Variants in CFAP43 observed in about 807,000 individuals in gnomAD.
The protein encoded by CFAP43 is cilia- and flagella-associated protein 43.
In CFAP43, 155 loss-of-function variants were observed where a neutral mutation model predicts 218.9. The observed-to-expected ratio is 0.71, with a 90% confidence interval of 0.62 to 0.81. The LOEUF (loss-of-function observed/expected upper bound fraction) is 0.81, where lower values mean the gene tolerates loss of function less well. CFAP43 is among the 30% of genes least tolerant of loss of function. CFAP43 has a pLI of 0.00. For missense variants in CFAP43, 1,778 were observed against 1,954.3 expected (o/e 0.91, Z 1.70); for synonymous variants, 645 against 681.3 (o/e 0.95, Z 0.83).
intron 28 of CFAP43, among the ~76,000 whole-genome samples, chr10:104,152,375 C>T (rs528290565): frequency 6.6e-6 from 1 of 152,192 alleles, no homozygotes; most frequent in East Asian, 1.9e-4. Flanking sequence ...GACAGTATTA[C>T]TGGCAGAGTT....
At chr10:104,175,162 CA>C (rs1469626948) in intron 19 of CFAP43, among the ~76,000 whole-genome samples, 2 of 147,208 alleles carry the variant, frequency 1.4e-5, no homozygotes, top group African/African-American at 5.0e-5. Flanking sequence ...AGGCCTGGTG[CA>C]GTGGCTCATG....
intron 3 of CFAP43, among the ~76,000 whole-genome samples, 199 bp from the exon 4 acceptor site, chr10:104,214,625 T>C (rs2090963638): frequency 6.6e-6 from 1 of 152,230 alleles, no homozygotes; most frequent in Admixed American, 6.5e-5. Context: ...AACTATGTTT[T>C]AAAAACACTA....
Position 104,188,269 on chromosome 10 carries a change from C to A in CFAP43, c.1687+1G>T, listed in dbSNP as rs752901770. The stretch of plus-strand genomic sequence containing the variant: ...GAACTGGCTGCTTATGTTTTCCTTA[C>A]CTTGTGGCAGTAATGTAGGCAGTGT... On this transcript the variant is annotated splice_donor_variant, in intron 13 of 37. Transcript: ENST00000357060. LOFTEE classifies it high-confidence loss of function. 3 of 1,613,286 alleles carry A rather than the reference C, an allele frequency of 1.9e-6. No homozygotes were observed. In the African/African-American group the frequency reaches 4.0e-5, roughly 22 times the overall value.
intron 23 of CFAP43, among the ~76,000 whole-genome samples, chr10:104,165,468 T>A (rs2089104577): frequency 6.6e-6 from 1 of 151,972 alleles, no homozygotes; most frequent in Admixed American, 6.5e-5. Flanking sequence ...GAACAGAAAT[T>A]TCAGGGGCTA....
chr10:104,131,156 C>G (rs890064659), intron 37 of CFAP43, among the ~76,000 whole-genome samples, 175 bp downstream of exon 37: 1 of 152,034 alleles, frequency 6.6e-6, no homozygotes, highest in African/African-American at 2.4e-5. Flanking sequence ...CACAATATAC[C>G]TAAGTAACAA....
At chr10:104,143,127 A>T (rs2087785653) in intron 32 of CFAP43, among the ~76,000 whole-genome samples, 1 of 152,208 alleles carries the variant, frequency 6.6e-6, no homozygotes, top group African/African-American at 2.4e-5. Flanking sequence ...TCTAATGTGT[A>T]TGTTTTCCAC....
At chr10:104,152,463 T>G (rs1589650114) in intron 28 of CFAP43, 144 bp downstream of exon 28, 14 of 1,092,506 alleles carry the variant, frequency 1.3e-5, no homozygotes, top group Admixed American at 5.5e-5. Context: ...AAGGGGAAGG[T>G]GCACAAGATG....
rs1198823137 is a variant in CFAP43, at chr10:104,193,888, CCG to C, written c.1418_1419del (p.Ser473Ter). 6.2e-7 allele frequency: 1 copy of C among 1,614,062 alleles called. No homozygotes were observed. Among genetic ancestry groups the C allele is most frequent in the African/African-American group, 1.3e-5 (1 of 75,022 alleles). Reference sequence around the variant, plus strand: ...TACACGACGTGCTGCACGGACGATTCCGAGAGAAAGGCCTTGTGCACGACCTG... The same window carrying C: ...TACACGACGTGCTGCACGGACGATTCAGAGAAAGGCCTTGTGCACGACCTG... ...SPQVVHKAFL[S>X]ESSVQHVVYD... is the part of the protein sequence containing the mutation. On this transcript the variant is annotated frameshift_variant, in exon 11 of 38. Transcript: ENST00000357060. LOFTEE classifies it high-confidence loss of function.
intron 23 of CFAP43, among the ~76,000 whole-genome samples, chr10:104,165,272 C>T (rs939563218): frequency 1.3e-5 from 2 of 152,164 alleles, no homozygotes; most frequent in South Asian, 2.1e-4. Flanking sequence ...TATGTCTATC[C>T]TACTGAAGAT....
At chr10:104,198,891 T>G (rs549920606) in intron 8 of CFAP43, among the ~76,000 whole-genome samples, 1 of 151,912 alleles carries the variant, frequency 6.6e-6, no homozygotes, top group African/African-American at 2.4e-5. Context: ...CCTCAAGTAA[T>G]CCCCCCTCCT....
chr10:104,185,230 T>C (rs2089994236), intron 15 of CFAP43, 84 bp from the exon 16 acceptor site: 2 of 1,536,266 alleles, frequency 1.3e-6, no homozygotes, highest in Non-Finnish European at 1.8e-6. Context: ...TGCCCCTTTT[T>C]TGTGGATAAA....
rs1448674063 is a variant in CFAP43 at position 104,203,771 on chromosome 10, A to G, written c.996T>C (p.Asp332=). ...DGFVYSFIIK[D]RSYMIEDFLE... ...GAAAATCCTCGATCATGTAACTTCT[A>G]TCTTTAATAATAAAAGAATACACAA... Residue 332 remains aspartate, a synonymous_variant, in exon 8 of 38, where the codon GAT becomes GAC. Coordinates refer to ENST00000357060, the MANE Select transcript of CFAP43 (RefSeq NM_025145.7). The G allele has an allele frequency of 1.9e-6, 3 of 1,606,452 alleles. No homozygotes were observed. The highest frequency in any genetic ancestry group is 2.7e-5 in the African/African-American group (2 of 74,668).
intron 34 of CFAP43, among the ~76,000 whole-genome samples, chr10:104,134,428 A>G (rs1047747201): frequency 3.9e-5 from 6 of 152,144 alleles, no homozygotes; most frequent in South Asian, 2.1e-4. Context: ...CAGAAAAACA[A>G]TAGTCAATGA....
chr10:104,232,005 G>A (rs1261133157), intron 1 of CFAP43, among the ~76,000 whole-genome samples, 177 bp downstream of exon 1: 1 of 151,976 alleles, frequency 6.6e-6, no homozygotes, highest in East Asian at 1.9e-4. Flanking sequence ...GATGGGGAGC[G>A]GACAGGGGAG....
chr10:104,222,001 C>G (rs1023696159), intron 3 of CFAP43, among the ~76,000 whole-genome samples: 1 of 152,162 alleles, frequency 6.6e-6, no homozygotes. Flanking sequence ...CCATTCCCCA[C>G]CTACTTTAGA....
At chr10:104,229,480 C>T (rs115496567) in intron 2 of CFAP43, among the ~76,000 whole-genome samples, 4,649 of 149,638 alleles carry the variant, frequency 0.031, 82 homozygotes, top group Middle Eastern at 0.045. Flanking sequence ...TGGTAAAACC[C>T]CATCCTCTGC....
chr10:104,205,072 G>A (rs992935295), intron 7 of CFAP43, among the ~76,000 whole-genome samples: 11 of 151,926 alleles, frequency 7.2e-5, no homozygotes, highest in Non-Finnish European at 1.0e-4. Flanking sequence ...AATTAGCAGG[G>A]CGTGGTGGTG....
At chr10:104,148,375 T>C (rs2088080935) in intron 28 of CFAP43, among the ~76,000 whole-genome samples, 1 of 152,168 alleles carries the variant, frequency 6.6e-6, no homozygotes, top group South Asian at 2.1e-4. Context: ...ATCTTGACTT[T>C]TTATTATATA....
chr10:104,188,544 T>G, intron 12 of CFAP43, 134 bp from the exon 13 acceptor site: 1 of 1,161,804 alleles, frequency 8.6e-7, no homozygotes, highest in Non-Finnish European at 1.2e-6. Context: ...GCTGGACATT[T>G]AAAGTGACCT....
Sources: allele counts gnomAD v4.1 joint callset (sites outside exome capture counted in the v4.1 genomes callset), GRCh38; gene constraint gnomAD v4.1.1; transcripts MANE v1.5; gene names NCBI Gene and HGNC (gene_info 2026-07-23, HGNC 2026-07-21).